The following MAN1B1 variants were observed in gnomAD, a reference collection of about 807,000 sequenced individuals.
The protein encoded by MAN1B1 is mannosidase alpha class 1B member 1, also known as endoplasmic reticulum mannosyl-oligosaccharide 1,2-alpha-mannosidase.
In MAN1B1, 66 loss-of-function variants were observed where a neutral mutation model predicts 75.5. The ratio of observed to expected loss-of-function variants is 0.87; its 90% CI spans 0.72 to 1.07. The LOEUF is 1.07. Ranked by LOEUF, MAN1B1 falls within the 50% of genes least tolerant of loss-of-function variation. The pLI is 0.00. For missense variants in MAN1B1, 973 were observed against 912.5 expected (o/e 1.07, Z -0.85); for synonymous variants, 453 against 382.8 (o/e 1.18, Z -2.14).
chr9:137,108,722 T>A lies in MAN1B1; in HGVS notation c.*131T>A. ...AGGCTCTGAACTGGCTCTGGGCTCC[T>A]CCTCGTCTCTGCTTTAATCAGGACA... On this transcript the variant is annotated 3_prime_UTR_variant, in exon 13 of 13. Coordinates refer to ENST00000371589, the MANE Select transcript of MAN1B1 (RefSeq NM_016219.5). 1 of 829,498 alleles carries A rather than the reference T, an allele frequency of 1.2e-6. No homozygotes were observed. Among genetic ancestry groups the A allele is most frequent in the Non-Finnish European group, 2.1e-6 (1 of 486,348 alleles). 51.4% of individuals were successfully genotyped at this position (829,498 alleles called of 1,614,324 possible).
chr9:137,097,151 C>T (rs1012492836), intron 4 of MAN1B1, among the ~76,000 whole-genome samples: 4 of 152,208 alleles, frequency 2.6e-5, no homozygotes, highest in Admixed American at 2.0e-4. Context: ...CTCTAGTTAG[C>T]GTTGGCATGA....
chr9:137,087,418 C>T, intron 1 of MAN1B1, 200 bp downstream of exon 1: 1 of 743,586 alleles, frequency 1.3e-6, no homozygotes, highest in Non-Finnish European at 2.3e-6. Context: ...GTCTCAGCGG[C>T]CCAAATTCTG....
intron 3 of MAN1B1, among the ~76,000 whole-genome samples, chr9:137,093,618 C>T (rs1238651261): frequency 6.6e-6 from 1 of 152,092 alleles, no homozygotes; most frequent in Non-Finnish European, 1.5e-5. Context: ...ATCACAAGGT[C>T]AGGAGATTGA....
intron 5 of MAN1B1, 61 bp downstream of exon 5, chr9:137,097,998 C>A: frequency 1.5e-6 from 2 of 1,296,672 alleles, no homozygotes; most frequent in Non-Finnish European, 2.2e-6. Context: ...CTGATGGGTG[C>A]AGGCTTCGTC....
chr9:137,096,980 C>G (rs371568998), intron 4 of MAN1B1, among the ~76,000 whole-genome samples: 2 of 152,240 alleles, frequency 1.3e-5, no homozygotes, highest in African/African-American at 4.8e-5. Context: ...CCAGTGAGGG[C>G]TGCTGTGCAG....
Position 137,094,565 on chromosome 9 carries a change from C to A in MAN1B1, c.466-1672C>A, listed in dbSNP as rs554276866. On this transcript the variant is annotated intron_variant, in intron 3 of 12. Transcript: ENST00000371589. ...GACCAGCCTGAGCAACATAGTGAGA[C>A]CCCATCTCTATTAAAAAAAAAAACA... 1.6e-3 allele frequency: 277 copies of A among 171,204 alleles called. 1 individual carries two copies. The highest frequency in any genetic ancestry group is 6.0e-3 in the African/African-American group (252 of 41,796). The allele number at this position is 171,204 out of a possible 1,614,324, so 10.6% of individuals were successfully genotyped here. A position where few individuals can be genotyped will look rare whatever the true frequency, so the allele number is the denominator to read the frequency against.
At chr9:137,089,451 C>G (rs1830463877) in intron 3 of MAN1B1, among the ~76,000 whole-genome samples, 1 of 152,162 alleles carries the variant, frequency 6.6e-6, no homozygotes, top group South Asian at 2.1e-4. Context: ...GCTGCTGGCA[C>G]CGGGCAAGGT....
At chr9:137,104,421 G>A (rs1333243809) in intron 8 of MAN1B1, 1 of 291,280 alleles carries the variant, frequency 3.4e-6, no homozygotes, top group African/African-American at 2.2e-5. Context: ...TTTTATTAGA[G>A]ACAGGGTTTC....
intron 8 of MAN1B1, chr9:137,104,096 C>T: frequency 6.6e-6 from 3 of 456,808 alleles, no homozygotes; most frequent in South Asian, 4.6e-5. Flanking sequence ...CCCTTTTCAT[C>T]TTAAAACTGA....
chr9:137,106,900 T>C, intron 10 of MAN1B1, 91 bp downstream of exon 10: 11 of 1,542,648 alleles, frequency 7.1e-6, no homozygotes, highest in Non-Finnish European at 9.6e-6. Context: ...AACGAAATCC[T>C]GGCCATGGCG....
At chr9:137,093,153 G>A (rs765474697) in intron 3 of MAN1B1, among the ~76,000 whole-genome samples, 1 of 152,186 alleles carries the variant, frequency 6.6e-6, no homozygotes, top group Admixed American at 6.5e-5. Context: ...TTGGGAGGCC[G>A]AGGCAGGCGG....
intron 8 of MAN1B1, 135 bp from the exon 9 acceptor site, chr9:137,105,990 C>G (rs2131125046): frequency 1.3e-6 from 1 of 755,918 alleles, no homozygotes; most frequent in East Asian, 2.7e-5. Flanking sequence ...CAGCTGTGGG[C>G]TGGGCACAGA....
chr9:137,088,219 T>C (rs746412631), intron 2 of MAN1B1, 36 bp downstream of exon 2: 1 of 1,613,986 alleles, frequency 6.2e-7, no homozygotes, highest in Non-Finnish European at 8.5e-7. Flanking sequence ...ACGATATCTG[T>C]GTTGAGGGTT....
rs1831085574 is a variant in MAN1B1, at chr9:137,106,090, G to T, written c.1255-35G>T. The T allele has an allele frequency of 2.5e-6, 4 of 1,577,912 alleles. No homozygotes were observed. The South Asian group carries it at 3.3e-5, about 13-fold the overall frequency. The stretch of plus-strand genomic sequence containing the variant: ...ACAGCTCACCCTGCAGCTCGGCCCT[G>T]GCCAGTAAACCCACCATCCCCCTTT... On this transcript the variant is annotated intron_variant, in intron 8 of 12. Transcript: ENST00000371589.
intron 12 of MAN1B1, 41 bp downstream of exon 12, chr9:137,107,703 G>A: frequency 1.2e-6 from 2 of 1,610,606 alleles, no homozygotes; most frequent in South Asian, 1.1e-5. Flanking sequence ...CGGCCACCGG[G>A]CCACAGGCAC....
intron 8 of MAN1B1, 47 bp from the exon 9 acceptor site, chr9:137,106,078 C>T (rs367586477): frequency 6.7e-7 from 1 of 1,494,420 alleles, no homozygotes; most frequent in Non-Finnish European, 9.3e-7. Context: ...GCTCACCCTG[C>T]AGCTCGGCCC....
At chr9:137,100,747 G>A (rs1179826837) in intron 6 of MAN1B1, among the ~76,000 whole-genome samples, 1 of 152,098 alleles carries the variant, frequency 6.6e-6, no homozygotes, top group African/African-American at 2.4e-5. Flanking sequence ...ACCCTCCCCA[G>A]TAGTTGGGAC....
chr9:137,099,962 G>T (rs1830764360), intron 6 of MAN1B1, 81 bp downstream of exon 6: 1 of 1,505,690 alleles, frequency 6.6e-7, no homozygotes, highest in East Asian at 2.3e-5. Flanking sequence ...TGCACACGGG[G>T]TGAAAGCTGC....
Position 137,101,098 on chromosome 9 carries a change from G to C in MAN1B1, c.1010G>C (p.Gly337Ala), listed in dbSNP as rs755283658. The change falls in exon 7 of 13, where the codon GGG (glycine) becomes GCG (alanine). Residue 337 changes from glycine (G) to alanine (A), a missense_variant. Coordinates refer to ENST00000371589, the MANE Select transcript of MAN1B1 (RefSeq NM_016219.5). ...TTTGAGAGCACGATCCGCATCCTGG[G>C]GGGGCTCCTGAGTGCCTACCACCTG... ...NLFESTIRILGGLLSAYHLSG... is the reference protein window; with the variant it reads ...NLFESTIRILAGLLSAYHLSG... 3.7e-6 allele frequency: 6 copies of C among 1,614,042 alleles called. No individual in the cohort carries two copies. In the South Asian group the frequency reaches 4.4e-5, roughly 12 times the overall value.
Sources: allele counts gnomAD v4.1 joint callset (sites outside exome capture counted in the v4.1 genomes callset), GRCh38; gene constraint gnomAD v4.1.1; transcripts MANE v1.5; gene names NCBI Gene and HGNC (gene_info 2026-07-23, HGNC 2026-07-21).